LDAH: variants seen among roughly 807,000 people sequenced by gnomAD.
LDAH encodes the protein lipid droplet associated hydrolase, also known as lipid droplet-associated hydrolase.
Under a neutral mutation model 29.6 loss-of-function variants are expected in LDAH, and 26 were observed. That is an observed-to-expected ratio of 0.88 (90% confidence interval 0.64 to 1.22). The LOEUF is 1.22. Among genes scored for constraint, LDAH ranks in the 50% most tolerant of loss-of-function variants. The probability of loss-of-function intolerance (pLI) is 0.00; values close to 1 mark genes in which losing one functional copy is unlikely to be tolerated. For synonymous variants in LDAH, 117 were observed against 133.0 expected, an observed-to-expected ratio of 0.88 and a Z score of 0.83; for missense variants, 344 against 387.3, an observed-to-expected ratio of 0.89 and a Z score of 0.94.
chr2:20,788,917 G>T, intron 3 of LDAH: 1 of 454,024 alleles, frequency 2.2e-6, no homozygotes, highest in South Asian at 3.1e-5. Context: ...AATTCTCACA[G>T]ATTTAAAGGA....
At chr2:20,813,740 C>G (rs535882985) in intron 1 of LDAH, among the ~76,000 whole-genome samples, 14 of 152,256 alleles carry the variant, frequency 9.2e-5, no homozygotes, top group Non-Finnish European at 1.5e-4. Flanking sequence ...TAAGTGATAC[C>G]ACACTTTGTA....
At chr2:20,709,886 G>A (rs958179790) in intron 5 of LDAH, among the ~76,000 whole-genome samples, 33 of 152,288 alleles carry the variant, frequency 2.2e-4, no homozygotes, top group African/African-American at 7.7e-4. Flanking sequence ...CTAAGTGAAA[G>A]AAGCAAGTCA....
At chr2:20,715,535 A>C (rs1031974272) in intron 5 of LDAH, among the ~76,000 whole-genome samples, 3 of 152,222 alleles carry the variant, frequency 2.0e-5, no homozygotes, top group African/African-American at 7.2e-5. Context: ...GGCCAGGGCA[A>C]TCAGGCAGGA....
intron 4 of LDAH, among the ~76,000 whole-genome samples, chr2:20,740,586 C>T (rs1667105550): frequency 6.6e-6 from 1 of 152,080 alleles, no homozygotes; most frequent in African/African-American, 2.4e-5. Flanking sequence ...TGGGATTACA[C>T]ACGTGACCCA....
chr2:20,774,272 C>T (rs1355707961), intron 4 of LDAH, among the ~76,000 whole-genome samples: 1 of 152,122 alleles, frequency 6.6e-6, no homozygotes, highest in Non-Finnish European at 1.5e-5. Flanking sequence ...CAGTGGTATC[C>T]AACAAATATT....
At chr2:20,799,878 TAA>T (rs1671549488) in intron 2 of LDAH, among the ~76,000 whole-genome samples, 1 of 151,976 alleles carries the variant, frequency 6.6e-6, no homozygotes, top group Non-Finnish European at 1.5e-5. Flanking sequence ...AAAAAATATG[TAA>T]AAGTATCATA....
At chr2:20,787,249 G>C (rs1670619824) in intron 3 of LDAH, among the ~76,000 whole-genome samples, 1 of 151,994 alleles carries the variant, frequency 6.6e-6, no homozygotes, top group Non-Finnish European at 1.5e-5. Context: ...TCTCTGAAAG[G>C]TCTAAGAAAA....
chr2:20,783,138 T>C (rs1670315800), intron 3 of LDAH, among the ~76,000 whole-genome samples: 1 of 152,240 alleles, frequency 6.6e-6, no homozygotes, highest in Admixed American at 6.5e-5. Flanking sequence ...GCTATGTTTC[T>C]GTTGTTGATT....
At chr2:20,774,768 A>C (rs760369753) in intron 4 of LDAH, 42 bp downstream of exon 4, 1 of 1,586,236 alleles carries the variant, frequency 6.3e-7, no homozygotes, top group South Asian at 1.1e-5. Context: ...TTGTGCAGGC[A>C]CACAGTCCAG....
chr2:20,775,075 C>T (rs1669714671), intron 3 of LDAH, 96 bp from the exon 4 acceptor site: 2 of 1,107,948 alleles, frequency 1.8e-6, no homozygotes, highest in Non-Finnish European at 2.6e-6. Flanking sequence ...AAGCAGTTAC[C>T]ATTTATCGAA....
intron 4 of LDAH, among the ~76,000 whole-genome samples, chr2:20,747,039 CA>C (rs1667617016): frequency 6.6e-6 from 1 of 151,916 alleles, no homozygotes; most frequent in Admixed American, 6.6e-5. Flanking sequence ...TTGTTGTAAT[CA>C]TTTTTTAGAA....
intron 2 of LDAH, among the ~76,000 whole-genome samples, chr2:20,792,217 A>G (rs1227939007): frequency 1.3e-5 from 2 of 152,148 alleles, no homozygotes; most frequent in Non-Finnish European, 2.9e-5. Context: ...CCTCATATTC[A>G]CATGTCTTAC....
Position 20,701,576 on chromosome 2 carries a change from T to A in LDAH, c.780A>T (p.Leu260Phe). 6.2e-7 allele frequency: 1 copy of A among 1,613,960 alleles called. No homozygotes were observed. ...KRDDETIKEH[L>F]CKLTFYYGTI... Reference sequence around the variant, plus strand: ...GCAGCACTAAAGTGATTACCTTACATAAATGCTCCTTTATGGTTTCGTCAT... The same window carrying A: ...GCAGCACTAAAGTGATTACCTTACAAAAATGCTCCTTTATGGTTTCGTCAT... The change falls in exon 6 of 7, where the codon TTA becomes TTT. Residue 260 changes from leucine to phenylalanine, a missense_variant. Physicochemically the swap from Leu to Phe is conservative, Grantham distance 22. Coordinates refer to ENST00000237822, the MANE Select transcript of LDAH (RefSeq NM_021925.4).
intron 3 of LDAH, among the ~76,000 whole-genome samples, chr2:20,780,984 G>C (rs1332311026): frequency 2.0e-5 from 3 of 152,122 alleles, no homozygotes; most frequent in Non-Finnish European, 4.4e-5. Context: ...GGGGACTGCA[G>C]TGAGAGTAGT....
intron 6 of LDAH, among the ~76,000 whole-genome samples, chr2:20,692,620 G>A (rs1270468018): frequency 6.6e-6 from 1 of 152,138 alleles, no homozygotes; most frequent in Non-Finnish European, 1.5e-5. Flanking sequence ...ATTTGTTGTT[G>A]GTGTTAACCT....
intron 1 of LDAH, among the ~76,000 whole-genome samples, chr2:20,809,818 G>T (rs1488670917): frequency 6.6e-6 from 1 of 152,168 alleles, no homozygotes; most frequent in East Asian, 1.9e-4. Context: ...TGATTTGCTG[G>T]ATATGTATAG....
chr2:20,779,574 A>G (rs745529853), intron 3 of LDAH, among the ~76,000 whole-genome samples: 1 of 152,116 alleles, frequency 6.6e-6, no homozygotes, highest in Non-Finnish European at 1.5e-5. Context: ...ATATATAACT[A>G]CAAACATAAA....
At chr2:20,757,032 T>C (rs143521401) in intron 4 of LDAH, among the ~76,000 whole-genome samples, 116 of 152,362 alleles carry the variant, frequency 7.6e-4, no homozygotes, top group South Asian at 6.0e-3. Flanking sequence ...GGCTATCTTG[T>C]TGGAGAGCAA....
chr2:20,752,890 G>A (rs1374138260), intron 4 of LDAH, among the ~76,000 whole-genome samples: 1 of 152,058 alleles, frequency 6.6e-6, no homozygotes, highest in East Asian at 1.9e-4. Flanking sequence ...TGATAACTCA[G>A]AAATTCACCA....
Sources: allele counts gnomAD v4.1 joint callset (sites outside exome capture counted in the v4.1 genomes callset), GRCh38; gene constraint gnomAD v4.1.1; transcripts MANE v1.5; gene names NCBI Gene and HGNC (gene_info 2026-07-23, HGNC 2026-07-21).